The following ZSCAN5A variants were observed in gnomAD, a reference collection of about 807,000 sequenced individuals.
ZSCAN5A encodes zinc finger and SCAN domain-containing protein 5A.
ZSCAN5A carries 12 observed loss-of-function variants against 23.7 expected under a neutral mutation model. That is an observed-to-expected ratio of 0.51 (90% CI 0.32 to 0.82). The LOEUF is 0.82. Ranked by LOEUF, ZSCAN5A falls within the 40% of genes least tolerant of loss-of-function variation. The pLI, the probability that ZSCAN5A is intolerant of heterozygous loss-of-function variation, is 0.03. For synonymous variants in ZSCAN5A, 257 were observed against 239.9 expected (o/e 1.07, Z -0.66); for missense variants, 597 against 617.9 (o/e 0.97, Z 0.36).
chr19:56,346,574 C>T (rs956731637), intron 2 of ZSCAN5A, among the ~76,000 whole-genome samples: 5 of 151,686 alleles, frequency 3.3e-5, no homozygotes, highest in African/African-American at 1.2e-4. Context: ...AGTTGTACAG[C>T]AAAATAAACT....
chr19:56,326,231 CT>C (rs1232660521), intron 2 of ZSCAN5A, among the ~76,000 whole-genome samples: 1 of 152,048 alleles, frequency 6.6e-6, no homozygotes, highest in Admixed American at 6.6e-5. Flanking sequence ...GCCACCACGC[CT>C]GGCCTGATAT....
At chr19:56,338,894 C>G (rs1486433464) in intron 2 of ZSCAN5A, among the ~76,000 whole-genome samples, 1 of 152,168 alleles carries the variant, frequency 6.6e-6, no homozygotes, top group African/African-American at 2.4e-5. Flanking sequence ...GTGAACTGAA[C>G]TGAAAAGGTG....
intron 2 of ZSCAN5A, among the ~76,000 whole-genome samples, chr19:56,305,244 C>T (rs773313359): frequency 3.3e-5 from 5 of 150,486 alleles, no homozygotes; most frequent in Non-Finnish European, 5.9e-5. Context: ...ACCAAGACAT[C>T]GTCTCTTCCC....
chr19:56,267,819 C>A (rs2037577407), intron 2 of ZSCAN5A, among the ~76,000 whole-genome samples: 1 of 152,184 alleles, frequency 6.6e-6, no homozygotes, highest in Non-Finnish European at 1.5e-5. Context: ...GGCAAAGGCT[C>A]TTAGAAGAGC....
rs980905918 is a variant in ZSCAN5A, at chr19:56,221,527, TATC to T, written c.*45_*47del. ...GTCATCTGATAACATTGATGAAAAA[TATC>T]ATTCACTTCTTCTTGGTGCAGAAGG... On this transcript the variant is annotated 3_prime_UTR_variant, in exon 6 of 6. Transcript: ENST00000683990. The T allele has an allele frequency of 6.6e-7, 1 of 1,525,696 alleles. No homozygotes were observed. The highest frequency in any genetic ancestry group is 1.4e-5 in the African/African-American group (1 of 71,984). 94.5% of individuals were successfully genotyped at this position (1,525,696 alleles called of 1,614,324 possible).
At chr19:56,260,591 T>C (rs1366736739) in intron 2 of ZSCAN5A, among the ~76,000 whole-genome samples, 1 of 152,156 alleles carries the variant, frequency 6.6e-6, no homozygotes, top group Non-Finnish European at 1.5e-5. Flanking sequence ...CATATTTTAA[T>C]GTGCAGTAAA....
intron 2 of ZSCAN5A, chr19:56,338,614 A>G (rs924064434): frequency 5.5e-4 from 83 of 152,252 alleles, no homozygotes; most frequent in African/African-American, 1.8e-3. Context: ...ACAGTAGAAA[A>G]CAGTGATAGA....
intron 2 of ZSCAN5A, chr19:56,286,232 G>A (rs1478928822): frequency 6.6e-6 from 1 of 152,086 alleles, no homozygotes; most frequent in Non-Finnish European, 1.5e-5. Flanking sequence ...ATGTTGGCCA[G>A]GCTGGTCTTG....
intron 2 of ZSCAN5A, among the ~76,000 whole-genome samples, chr19:56,276,707 T>C (rs2147012762): frequency 6.6e-6 from 1 of 151,926 alleles, no homozygotes; most frequent in Middle Eastern, 3.4e-3. Context: ...CCGGCTAATT[T>C]TGTATTTTCA....
At chr19:56,244,230 G>C in intron 2 of ZSCAN5A, 1 of 1,606,616 alleles carries the variant, frequency 6.2e-7, no homozygotes, top group South Asian at 1.1e-5. Flanking sequence ...CAGGCTCTGA[G>C]GAAACTCACT....
chr19:56,281,725 T>C (rs1568689667), intron 2 of ZSCAN5A: 3 of 985,034 alleles, frequency 3.0e-6, no homozygotes, highest in Non-Finnish European at 3.6e-6. Context: ...TCTCCCTACA[T>C]AAATGGGGAG....
At chr19:56,321,075 A>G in intron 2 of ZSCAN5A, 3 of 701,264 alleles carry the variant, frequency 4.3e-6, no homozygotes, top group Non-Finnish European at 8.1e-6. Flanking sequence ...AGATAGACTG[A>G]GTATCTGCAG....
intron 2 of ZSCAN5A, chr19:56,347,635 C>T (rs935393584): frequency 6.6e-6 from 1 of 152,102 alleles, no homozygotes; most frequent in Non-Finnish European, 1.5e-5. Flanking sequence ...ACTCCTGTAG[C>T]CTTTATGGAA....
intron 2 of ZSCAN5A, among the ~76,000 whole-genome samples, chr19:56,311,189 A>T (rs894120798): frequency 5.3e-5 from 8 of 152,030 alleles, no homozygotes; most frequent in African/African-American, 1.9e-4. Flanking sequence ...AAAGCTATTT[A>T]AGCAAAATCC....
chr19:56,234,903 T>C (rs12104279), intron 2 of ZSCAN5A, among the ~76,000 whole-genome samples: 67,190 of 152,108 alleles, frequency 0.44, 15,189 homozygotes, highest in South Asian at 0.58. Flanking sequence ...GTTTCGTCTG[T>C]GGCTCGTCCT....
chr19:56,320,207 T>C, intron 2 of ZSCAN5A: 1 of 632,786 alleles, frequency 1.6e-6, no homozygotes, highest in Non-Finnish European at 3.0e-6. Context: ...TATAATCATC[T>C]CAATTCTGTT....
chr19:56,229,749 C>G (rs1420970158), intron 2 of ZSCAN5A, among the ~76,000 whole-genome samples: 1 of 151,826 alleles, frequency 6.6e-6, no homozygotes, highest in African/African-American at 2.4e-5. Flanking sequence ...TTTTGGTGGT[C>G]TTTTTTGTTT....
chr19:56,258,872 G>A (rs2036920732), intron 2 of ZSCAN5A, among the ~76,000 whole-genome samples: 1 of 152,110 alleles, frequency 6.6e-6, no homozygotes, highest in Non-Finnish European at 1.5e-5. Flanking sequence ...TTAAGTGCAC[G>A]AAGGCCTCAG....
intron 1 of ZSCAN5A, among the ~76,000 whole-genome samples, chr19:56,364,621 A>G (rs997942479): frequency 2.0e-5 from 3 of 152,228 alleles, no homozygotes; most frequent in Admixed American, 2.0e-4. Context: ...GCACATGGCC[A>G]TAGAGAGATA....
Sources: gnomAD v4.1 joint callset for allele counts (sites outside exome capture counted in the v4.1 genomes callset) on GRCh38, gnomAD v4.1.1 for gene constraint, MANE v1.5 for transcripts, NCBI Gene and HGNC (gene_info 2026-07-23, HGNC 2026-07-21) for gene names.